PTPRG: variants seen among roughly 807,000 people sequenced by gnomAD.
PTPRG encodes the protein protein tyrosine phosphatase receptor type G.
In PTPRG, 102 loss-of-function variants were observed where a neutral mutation model predicts 165.3. That is an observed-to-expected ratio of 0.62 (90% CI 0.53 to 0.73). The LOEUF is 0.73. Among genes scored for constraint, PTPRG ranks in the 30% least tolerant of loss-of-function variants. The pLI is 0.00. For synonymous variants in PTPRG, 675 were observed against 669.5 expected (o/e 1.01, Z -0.13); for missense variants, 1,866 against 1,861.4 (o/e 1.00, Z -0.05).
At chr3:62,181,803 A>G (rs1375517813) in intron 8 of PTPRG, among the ~76,000 whole-genome samples, 1 of 152,190 alleles carries the variant, frequency 6.6e-6, no homozygotes, top group Non-Finnish European at 1.5e-5. Context: ...TTAAATTACA[A>G]GATCCAGCTG....
At chr3:61,567,965 C>CAAAAAAAAA (rs11451025) in intron 1 of PTPRG, among the ~76,000 whole-genome samples, 1 of 124,256 alleles carries the variant, frequency 8.0e-6, no homozygotes. Flanking sequence ...GACCCTGCCT[C>CAAAAAAAAA]AAAAAAAAAA....
intron 4 of PTPRG, among the ~76,000 whole-genome samples, chr3:62,020,776 A>G (rs1256585953): frequency 6.6e-6 from 1 of 151,494 alleles, no homozygotes; most frequent in Non-Finnish European, 1.5e-5. Context: ...ATACAGTGGC[A>G]CATCACAGCT....
At position 62,177,628 on chromosome 3, in the gene PTPRG, C is replaced by G. The variant is rs28403395; in HGVS notation, c.1033+9465C>G. ...CAAGTCCTGTCCCCCTCTCCAGCCCCGTCTTGTACTTTCCTTCCCTTGGCA... is the reference window on the plus strand; with the variant it reads ...CAAGTCCTGTCCCCCTCTCCAGCCCGGTCTTGTACTTTCCTTCCCTTGGCA... On this transcript the variant is annotated intron_variant, in intron 8 of 29. Coordinates refer to ENST00000474889, the MANE Select transcript of PTPRG (RefSeq NM_002841.4). Among the ~76,000 whole-genome samples the G allele has an allele frequency of 9.3e-3, 1,419 of 152,290 alleles. 20 individuals are homozygous for G. The highest frequency in any genetic ancestry group is 0.033 in the African/African-American group (1,373 of 41,548).
intron 1 of PTPRG, among the ~76,000 whole-genome samples, chr3:61,665,512 A>G (rs1484531675): frequency 6.6e-6 from 1 of 150,794 alleles, no homozygotes; most frequent in Admixed American, 6.6e-5. Context: ...ACAGGCACAA[A>G]TATATTGAAG....
intron 2 of PTPRG, among the ~76,000 whole-genome samples, chr3:61,950,319 C>G (rs999258433): frequency 9.9e-5 from 15 of 152,118 alleles, no homozygotes; most frequent in African/African-American, 3.4e-4. Context: ...TGTTATGACA[C>G]CTATGCCTCC....
At chr3:61,826,310 T>C (rs2036108748) in intron 2 of PTPRG, among the ~76,000 whole-genome samples, 1 of 152,162 alleles carries the variant, frequency 6.6e-6, no homozygotes, top group South Asian at 2.1e-4. Context: ...CTGATACATT[T>C]AAACTGTGGA....
intron 2 of PTPRG, among the ~76,000 whole-genome samples, chr3:61,944,339 C>G (rs1277118668): frequency 6.6e-6 from 1 of 152,304 alleles, no homozygotes; most frequent in African/African-American, 2.4e-5. Flanking sequence ...CATCTTACAA[C>G]TGATGCCCTC....
At chr3:61,673,631 T>A (rs539516958) in intron 1 of PTPRG, among the ~76,000 whole-genome samples, 2 of 152,226 alleles carry the variant, frequency 1.3e-5, no homozygotes, top group South Asian at 4.1e-4. Flanking sequence ...CAAGTACAAG[T>A]GCAATTGTGT....
chr3:61,578,470 T>C (rs943537762), intron 1 of PTPRG, among the ~76,000 whole-genome samples: 3 of 152,186 alleles, frequency 2.0e-5, no homozygotes, highest in East Asian at 3.8e-4. Context: ...ATTTGACCAG[T>C]TGGATTGGGT....
At chr3:61,929,007 C>A (rs2039295119) in intron 2 of PTPRG, among the ~76,000 whole-genome samples, 1 of 152,148 alleles carries the variant, frequency 6.6e-6, no homozygotes, top group Non-Finnish European at 1.5e-5. Context: ...GGGGATGCCA[C>A]TGAACATCCT....
intron 4 of PTPRG, among the ~76,000 whole-genome samples, chr3:62,070,084 T>C (rs1701160652): frequency 6.6e-6 from 1 of 152,254 alleles, no homozygotes; most frequent in African/African-American, 2.4e-5. Flanking sequence ...TTTAATGTAA[T>C]ATGTATAATG....
chr3:62,289,243 G>T (rs1559770138), intron 28 of PTPRG, among the ~76,000 whole-genome samples: 2 of 152,166 alleles, frequency 1.3e-5, no homozygotes, highest in Admixed American at 1.3e-4. Context: ...GGGTTACTGT[G>T]AGGACTAAGT....
At chr3:62,206,407 A>G (rs966520285) in intron 12 of PTPRG, among the ~76,000 whole-genome samples, 15 of 152,158 alleles carry the variant, frequency 9.9e-5, no homozygotes, top group African/African-American at 3.4e-4. Flanking sequence ...CAGGGTCCTC[A>G]GGTAAGTCTT....
chr3:62,232,698 T>C (rs1465031586), intron 14 of PTPRG, among the ~76,000 whole-genome samples: 1 of 152,220 alleles, frequency 6.6e-6, no homozygotes, highest in Non-Finnish European at 1.5e-5. Context: ...ATTATAGATA[T>C]ATTTTAGATC....
chr3:61,887,155 TATATATATATATATA>T (rs2038069476), intron 2 of PTPRG, among the ~76,000 whole-genome samples: 3 of 58,380 alleles, frequency 5.1e-5, no homozygotes, highest in South Asian at 4.4e-4. Context: ...TATATATATA[TATATATATATATATA>T]TTTTTAATGC....
At chr3:61,676,888 TGAG>T (rs1703252177) in intron 1 of PTPRG, among the ~76,000 whole-genome samples, 1 of 152,014 alleles carries the variant, frequency 6.6e-6, no homozygotes, top group Admixed American at 6.6e-5. Context: ...CTGACCTGAG[TGAG>T]GAGTATTATC....
intron 6 of PTPRG, among the ~76,000 whole-genome samples, chr3:62,142,762 G>A (rs1004900033): frequency 6.6e-6 from 1 of 152,186 alleles, no homozygotes; most frequent in African/African-American, 2.4e-5. Flanking sequence ...TCCTTGTAGA[G>A]ATTAGAAACA....
intron 2 of PTPRG, among the ~76,000 whole-genome samples, chr3:61,818,319 T>G (rs2035849138): frequency 6.6e-6 from 1 of 152,176 alleles, no homozygotes; most frequent in Non-Finnish European, 1.5e-5. Flanking sequence ...ACATTAGTTT[T>G]AGAGAAACTC....
At position 61,699,084 on chromosome 3, in the gene PTPRG, TG is replaced by T. The variant is rs375252892; in HGVS notation, c.86-49791del. ...CACCTAATGTTAAATCACGAGTTAA[TG>T]GGTGCAGCACAGCAACATGGCACAT... On this transcript the variant is annotated intron_variant, in intron 1 of 29. Coordinates refer to ENST00000474889, the MANE Select transcript of PTPRG (RefSeq NM_002841.4). Among the ~76,000 whole-genome samples the T allele has an allele frequency of 6.6e-3, 1,008 of 152,196 alleles. 6 individuals carry two copies. Among genetic ancestry groups the T allele is most frequent in the Admixed American group, 0.012 (183 of 15,274 alleles).
Sources: gnomAD v4.1 joint callset for allele counts (sites outside exome capture counted in the v4.1 genomes callset) on GRCh38, gnomAD v4.1.1 for gene constraint, MANE v1.5 for transcripts, NCBI Gene and HGNC (gene_info 2026-07-23, HGNC 2026-07-21) for gene names.